The following SOX6 variants were observed in gnomAD, a reference collection of about 807,000 sequenced individuals.
SOX6 encodes the protein SRY-box transcription factor 6.
A neutral mutation model predicts 97.8 loss-of-function variants in SOX6; 11 were observed. The ratio of observed to expected loss-of-function variants is 0.11; its 90% CI spans 0.07 to 0.19. The LOEUF (loss-of-function observed/expected upper bound fraction) is 0.19. SOX6 is among the 10% of genes least tolerant of loss of function. SOX6 has a pLI of 1.00. For synonymous variants in SOX6, 360 were observed against 371.4 expected (o/e 0.97, Z 0.35); for missense variants, 810 against 1,039.5 (o/e 0.78, Z 3.04).
At chr11:16,334,496 C>A (rs972773862) in intron 2 of SOX6, among the ~76,000 whole-genome samples, 1 of 151,200 alleles carries the variant, frequency 6.6e-6, no homozygotes, top group African/African-American at 2.4e-5. Context: ...GGCACAATGT[C>A]GGCTCACTGT....
chr11:16,427,437 G>A (rs189210865), intron 1 of SOX6, among the ~76,000 whole-genome samples: 34 of 151,190 alleles, frequency 2.2e-4, no homozygotes, highest in African/African-American at 2.9e-4. Context: ...CCATTAACTC[G>A]TCATTTAACA....
At chr11:16,530,395 C>T (rs1036196725) in intron 4 of SOX6, among the ~76,000 whole-genome samples, 4 of 151,888 alleles carry the variant, frequency 2.6e-5, no homozygotes, top group Non-Finnish European at 5.9e-5. Context: ...TTTCTTTACC[C>T]TTCTCCTTTG....
At chr11:16,054,730 C>A (rs749424037) in intron 10 of SOX6, among the ~76,000 whole-genome samples, 5 of 152,180 alleles carry the variant, frequency 3.3e-5, no homozygotes, top group African/African-American at 1.2e-4. Flanking sequence ...AAATGCAGTA[C>A]TTTAATCACA....
intron 12 of SOX6, among the ~76,000 whole-genome samples, chr11:16,016,327 G>A (rs983722691): frequency 1.3e-5 from 2 of 152,018 alleles, no homozygotes; most frequent in African/African-American, 2.4e-5. Context: ...GTTGAAATCT[G>A]TGTTGGAAGA....
intron 9 of SOX6, among the ~76,000 whole-genome samples, chr11:16,080,408 AC>A (rs1334796755): frequency 6.6e-6 from 1 of 152,126 alleles, no homozygotes; most frequent in Non-Finnish European, 1.5e-5. Flanking sequence ...TTACATTTCC[AC>A]ATCTGTGAAA....
chr11:16,349,273 T>C (rs9651574), intron 1 of SOX6, among the ~76,000 whole-genome samples: 408 of 152,244 alleles, frequency 2.7e-3, no homozygotes, highest in South Asian at 5.6e-3. Context: ...CCAAATACTC[T>C]AAATATAGGG....
chr11:15,974,378 C>CTT (rs35597667), intron 15 of SOX6, among the ~76,000 whole-genome samples: 12,420 of 85,550 alleles, frequency 0.15, 799 homozygotes, highest in Middle Eastern at 0.2. Flanking sequence ...TTAGCTCTCT[C>CTT]TTTTTTTTTT....
At chr11:16,692,036 G>T (rs956276486) in intron 3 of SOX6, among the ~76,000 whole-genome samples, 2 of 150,600 alleles carry the variant, frequency 1.3e-5, no homozygotes, top group African/African-American at 4.9e-5. Flanking sequence ...AGACTTCACT[G>T]AAGTTTTGAT....
intron 6 of SOX6, among the ~76,000 whole-genome samples, chr11:16,127,839 G>T (rs1200095230): frequency 6.6e-6 from 1 of 152,126 alleles, no homozygotes; most frequent in African/African-American, 2.4e-5. Context: ...AACCCAGAAA[G>T]ATGTCTAGAC....
intron 4 of SOX6, among the ~76,000 whole-genome samples, chr11:16,516,258 CT>C (rs1427001365): frequency 1.3e-5 from 2 of 151,790 alleles, no homozygotes; most frequent in African/African-American, 4.8e-5. Context: ...TGAAGAGGTC[CT>C]TCACATCCCT....
chr11:16,687,472 G>A (rs944265059), intron 3 of SOX6, among the ~76,000 whole-genome samples: 15 of 152,134 alleles, frequency 9.9e-5, no homozygotes, highest in African/African-American at 3.1e-4. Flanking sequence ...TAGAGACAGG[G>A]TTTCACCATG....
chr11:16,554,728 T>C (rs1436158107), intron 4 of SOX6, among the ~76,000 whole-genome samples: 1 of 152,086 alleles, frequency 6.6e-6, no homozygotes, highest in African/African-American at 2.4e-5. Context: ...TCTTATAAAC[T>C]ATTAGAATTA....
chr11:16,625,498 G>C (rs1368231952), intron 3 of SOX6, among the ~76,000 whole-genome samples: 5 of 152,222 alleles, frequency 3.3e-5, no homozygotes, highest in African/African-American at 1.2e-4. Context: ...TAACAACAGA[G>C]TTCCTAAACC....
At position 16,067,943 on chromosome 11, in the gene SOX6, C is replaced by T. The variant is rs560758922; in HGVS notation, c.1102-12042G>A. Among the ~76,000 whole-genome samples, 7 of 152,282 alleles carry T rather than the reference C, an allele frequency of 4.6e-5. No individual in the cohort carries two copies. In the East Asian group the frequency reaches 1.4e-3, roughly 29 times the overall value. ...AGATTCAATCAGTGCTACTGAAAGA[C>T]ATTATCTCTTACCCTTATATTTATC... is the stretch of plus-strand genomic sequence containing the variant. On this transcript the variant is annotated intron_variant, in intron 9 of 15. Coordinates refer to ENST00000683767, the MANE Select transcript of SOX6 (RefSeq NM_001367873.1).
chr11:16,279,340 C>A (rs1854487542), intron 3 of SOX6, among the ~76,000 whole-genome samples: 1 of 152,004 alleles, frequency 6.6e-6, no homozygotes, highest in Non-Finnish European at 1.5e-5. Flanking sequence ...TTAACCTATA[C>A]AAGGCAAAAT....
chr11:16,658,501 G>A (rs1034413623), intron 3 of SOX6, among the ~76,000 whole-genome samples: 63 of 152,248 alleles, frequency 4.1e-4, no homozygotes, highest in Admixed American at 1.2e-3. Flanking sequence ...GAGGTCAGAA[G>A]ATCGAGACCA....
At chr11:16,616,578 C>A (rs116427589) in intron 3 of SOX6, among the ~76,000 whole-genome samples, 2,260 of 151,828 alleles carry the variant, frequency 0.015, 55 homozygotes, top group African/African-American at 0.049. Context: ...CTAGTATGTG[C>A]AAAACAAATA....
At chr11:16,082,769 C>A (rs1001330144) in intron 9 of SOX6, among the ~76,000 whole-genome samples, 1 of 152,152 alleles carries the variant, frequency 6.6e-6, no homozygotes, top group Admixed American at 6.6e-5. Flanking sequence ...GTTCACTATA[C>A]CTTATACTAC....
chr11:16,640,202 TG>T (rs1300836049), intron 3 of SOX6, among the ~76,000 whole-genome samples: 1 of 152,240 alleles, frequency 6.6e-6, no homozygotes, highest in East Asian at 1.9e-4. Flanking sequence ...GTTTATACGC[TG>T]GATTACATTT....
Sources: allele counts gnomAD v4.1 joint callset (sites outside exome capture counted in the v4.1 genomes callset), GRCh38; gene constraint gnomAD v4.1.1; transcripts MANE v1.5; gene names NCBI Gene and HGNC (gene_info 2026-07-23, HGNC 2026-07-21).